UAP1L1: variants seen among roughly 807,000 people sequenced by gnomAD.
UAP1L1 encodes UDP-N-acetylglucosamine pyrophosphorylase 1 like 1, also known as UDP-N-acetylhexosamine pyrophosphorylase-like protein 1.
In UAP1L1, 45 loss-of-function variants were observed where a neutral mutation model predicts 45.3. The observed-to-expected ratio is 0.99, with a 90% CI of 0.78 to 1.27. The LOEUF (loss-of-function observed/expected upper bound fraction) is 1.27, where lower values mean the gene tolerates loss of function less well. Among genes scored for constraint, UAP1L1 ranks in the 50% most tolerant of loss-of-function variants. The probability of loss-of-function intolerance (pLI) is 0.00; values close to 1 mark genes in which losing one functional copy is unlikely to be tolerated. For synonymous variants in UAP1L1, 323 were observed against 303.9 expected, an observed-to-expected ratio of 1.06 and a Z score of -0.65; for missense variants, 667 against 694.0, an observed-to-expected ratio of 0.96 and a Z score of 0.44.
rs768004922 is a variant in UAP1L1 at position 137,079,136 on chromosome 9, CTG to C, written c.834_835del (p.Cys278TrpfsTer35). 16 of 1,610,570 alleles carry C rather than the reference CTG, an allele frequency of 9.9e-6. No homozygotes were observed. The highest frequency in any genetic ancestry group is 1.3e-5 in the Non-Finnish European group (15 of 1,179,256). On this transcript the variant is annotated frameshift_variant, in exon 4 of 9. Transcript: ENST00000409858. LOFTEE classifies it high-confidence loss of function. Reference protein sequence around the residue: ...IGFCVLQGADCGAKVVEKAYP... With the variant: ...IGFCVLQGADXGAKVVEKAYP... The stretch of plus-strand genomic sequence containing the variant: ...GCTTCTGTGTGTTGCAGGGCGCAGA[CTG>C]TGGCGCCAAGGTTAGCGCCCGACTG...
chr9:137,082,281 A>T lies in UAP1L1; in HGVS notation c.1431+217A>T, dbSNP rs1048122918. 3.2e-6 allele frequency: 2 copies of T among 618,922 alleles called. No individual in the cohort carries two copies. Among genetic ancestry groups the T allele is most frequent in the Middle Eastern group, 4.1e-4 (1 of 2,442 alleles). The allele number at this position is 618,922 out of a possible 1,614,324, so 38.3% of individuals were successfully genotyped here. A position where few individuals can be genotyped will look rare whatever the true frequency, so the allele number is the denominator to read the frequency against. On this transcript the variant is annotated intron_variant, in intron 8 of 8. Transcript: ENST00000409858. The surrounding 1 kb of genome is among the most constrained non-coding windows in gnomAD (Gnocchi z 5.7). The stretch of plus-strand genomic sequence containing the variant: ...GGTCCTGGGAGGGCATGGGGATGAG[A>T]CAGCCCAGGTCTGAGCCCAGTGTGG...
intron 7 of UAP1L1, among the ~76,000 whole-genome samples, chr9:137,081,378 A>AT (rs397736587): frequency 0.061 from 7,019 of 115,448 alleles, 277 homozygotes; most frequent in Admixed American, 0.16. Flanking sequence ...ATTTTTTTGT[A>AT]TTTTTTTTTT....
chr9:137,082,487 C>T lies in UAP1L1; in HGVS notation c.1432-150C>T. On this transcript the variant is annotated intron_variant, in intron 8 of 8. Transcript: ENST00000409858. The surrounding 1 kb of genome is among the most constrained non-coding windows in gnomAD (Gnocchi z 5.7). ...GGTGGCCTTGCAGTGTGTGTCTGCTCCTGGCCCTGGAAGCCTTTCTGTCCC... is the reference window on the plus strand; with the variant it reads ...GGTGGCCTTGCAGTGTGTGTCTGCTTCTGGCCCTGGAAGCCTTTCTGTCCC... The T allele has an allele frequency of 7.6e-6, 5 of 654,966 alleles. No homozygotes were observed. Among genetic ancestry groups the T allele is most frequent in the East Asian group, 5.5e-5 (2 of 36,594 alleles). The allele number at this position is 654,966 out of a possible 1,614,324, so 40.6% of individuals were successfully genotyped here.
Position 137,082,776 on chromosome 9 carries a change from C to A in UAP1L1, c.*47C>A, listed in dbSNP as rs1053055643. 1.2e-5 allele frequency: 18 copies of A among 1,485,264 alleles called. No homozygotes were observed. Among genetic ancestry groups the A allele is most frequent in the Non-Finnish European group, 1.5e-5 (17 of 1,099,842 alleles). The allele number at this position is 1,485,264 out of a possible 1,614,324, so 92.0% of individuals were successfully genotyped here. The stretch of plus-strand genomic sequence containing the variant: ...CTCCCCCGAGACCTGCCAGCCCCGG[C>A]ATCCTGGAAGTCCCGACTCCCCCCA... On this transcript the variant is annotated 3_prime_UTR_variant, in exon 9 of 9. Transcript: ENST00000409858. This position sits in a 1 kb window ranked among gnomAD's most constrained non-coding sequence, Gnocchi z 5.7.
chr9:137,078,554 G>C lies in UAP1L1; in HGVS notation c.547G>C (p.Glu183Gln), dbSNP rs772373115. 3.6e-5 allele frequency: 58 copies of C among 1,613,126 alleles called. No homozygotes were observed. The highest frequency in any genetic ancestry group is 4.5e-5 in the Non-Finnish European group (53 of 1,180,036). Residue 183 changes from glutamate (E) to glutamine (Q), a missense_variant, in exon 3 of 9, where the codon GAG (glutamate) becomes CAG (glutamine). Coordinates refer to ENST00000409858, the MANE Select transcript of UAP1L1 (RefSeq NM_207309.3). ...TLGPTAEFFR[E>Q]HNFFHLDPAN... ...GGGGCCCACGGCCGAGTTCTTCAGG[G>C]AGCACAACTTCTTCCACCTGGACCC...
At chr9:137,081,963 C>T (rs771255260) in intron 7 of UAP1L1, 35 bp from the exon 8 acceptor site, 1 of 1,610,362 alleles carries the variant, frequency 6.2e-7, no homozygotes, top group Non-Finnish European at 8.5e-7. Context: ...TGGGCAGGTG[C>T]TGCAAGGAGA....
At chr9:137,079,755 T>A (rs566684295) in intron 5 of UAP1L1, 15 of 602,582 alleles carry the variant, frequency 2.5e-5, no homozygotes, top group African/African-American at 2.4e-4. Context: ...CTCTGGGGCT[T>A]GCCAGTTTGT....
intron 5 of UAP1L1, 84 bp downstream of exon 5, chr9:137,079,533 G>A (rs1832759012): frequency 2.9e-6 from 4 of 1,361,030 alleles, no homozygotes; most frequent in Admixed American, 2.2e-5. Flanking sequence ...TGAGCTGAGT[G>A]CCCTGGGCCA....
Position 137,077,577 on chromosome 9 carries a change from C to T in UAP1L1, c.45C>T (p.Gly15=). The T allele has an allele frequency of 2.1e-6, 3 of 1,395,606 alleles. No individual in the cohort carries two copies. Among genetic ancestry groups the T allele is most frequent in the Non-Finnish European group, 2.8e-6 (3 of 1,068,270 alleles). The allele number at this position is 1,395,606 out of a possible 1,614,324, so 86.5% of individuals were successfully genotyped here. A position where few individuals can be genotyped will look rare whatever the true frequency, so the allele number is the denominator to read the frequency against. The part of the protein sequence containing the change: ...QDVRARLQRA[G]QEHLLRFWAE... ...TGCGCGCCCGGCTGCAGCGCGCTGG[C>T]CAGGAGCACCTCCTGCGCTTCTGGG... is the stretch of plus-strand genomic sequence containing the variant. The change falls in exon 1 of 9, where the codon GGC becomes GGT. Residue 15 remains glycine, a synonymous_variant. Transcript: ENST00000409858. The surrounding 1 kb of genome is among the most constrained non-coding windows in gnomAD (Gnocchi z 4.7).
chr9:137,081,975 A>G, intron 7 of UAP1L1, 23 bp from the exon 8 acceptor site: 1 of 1,613,358 alleles, frequency 6.2e-7, no homozygotes, highest in Non-Finnish European at 8.5e-7. Context: ...GCAAGGAGAT[A>G]TTGACAAGTG....
At position 137,078,112 on chromosome 9, in the gene UAP1L1, C is replaced by T; in HGVS notation, c.352C>T (p.Arg118Cys). The change falls in exon 2 of 9, where the codon CGC becomes TGC. Residue 118 changes from arginine to cysteine, a missense_variant. Transcript: ENST00000409858. ...VLLLAGGQGTRLGVTYPKGMY... is the reference protein window; with the variant it reads ...VLLLAGGQGTCLGVTYPKGMY... ...GCTGCTGGCTGGGGGGCAGGGCACT[C>T]GCCTGGGCGTGACCTACCCCAAGGG... is the stretch of plus-strand genomic sequence containing the variant. 1.9e-6 allele frequency: 3 copies of T among 1,550,212 alleles called. No homozygotes were observed. Among genetic ancestry groups the T allele is most frequent in the Non-Finnish European group, 2.6e-6 (3 of 1,146,886 alleles).
Position 137,077,979 on chromosome 9 carries a change from A to G in UAP1L1, c.290-71A>G. On this transcript the variant is annotated intron_variant, in intron 1 of 8. Coordinates refer to ENST00000409858, the MANE Select transcript of UAP1L1 (RefSeq NM_207309.3). This position sits in a 1 kb window ranked among gnomAD's most constrained non-coding sequence, Gnocchi z 4.7. ...CCCCGAGTCCTGGCGCCCCAGCCCC[A>G]GAGTTGGTTTCCCCTAAAGCGGAAG... 6.5e-7 allele frequency: 1 copy of G among 1,534,536 alleles called. No individual in the cohort carries two copies. The highest frequency in any genetic ancestry group is 1.2e-5 in the South Asian group (1 of 83,758).
In UAP1L1 at chr9:137,082,447, T is replaced by C. The variant is rs1832804110; in HGVS notation, c.1432-190T>C. On this transcript the variant is annotated intron_variant, in intron 8 of 8. Coordinates refer to ENST00000409858, the MANE Select transcript of UAP1L1 (RefSeq NM_207309.3). The surrounding 1 kb of genome is among the most constrained non-coding windows in gnomAD (Gnocchi z 5.7). Reference sequence around the variant, plus strand: ...GAGGGTCCCCTGCTGGCCTAGGGTCTTGAGTGTGGTCTTGGGTGGCCTTGC... The same window carrying C: ...GAGGGTCCCCTGCTGGCCTAGGGTCCTGAGTGTGGTCTTGGGTGGCCTTGC... The C allele has an allele frequency of 5.0e-6, 3 of 602,752 alleles. No individual in the cohort carries two copies. The highest frequency in any genetic ancestry group is 5.8e-5 in the Admixed American group (2 of 34,724). The allele number at this position is 602,752 out of a possible 1,614,324, so 37.3% of individuals were successfully genotyped here. A position where few individuals can be genotyped will look rare whatever the true frequency, so the allele number is the denominator to read the frequency against.
In UAP1L1 at chr9:137,082,512, C is replaced by G; in HGVS notation, c.1432-125C>G. 1 of 775,558 alleles carries G rather than the reference C, an allele frequency of 1.3e-6. No homozygotes were observed. The highest frequency in any genetic ancestry group is 2.1e-6 in the Non-Finnish European group (1 of 469,126). The allele number at this position is 775,558 out of a possible 1,614,324, so 48.0% of individuals were successfully genotyped here. On this transcript the variant is annotated intron_variant, in intron 8 of 8. Coordinates refer to ENST00000409858, the MANE Select transcript of UAP1L1 (RefSeq NM_207309.3). The surrounding 1 kb of genome is among the most constrained non-coding windows in gnomAD (Gnocchi z 5.7). ...CCTGGCCCTGGAAGCCTTTCTGTCCCCACCCCTCCCTGACTCCAGGCAGAC... is the reference window on the plus strand; with the variant it reads ...CCTGGCCCTGGAAGCCTTTCTGTCCGCACCCCTCCCTGACTCCAGGCAGAC...
chr9:137,079,870 C>T (rs1832764155), intron 5 of UAP1L1, 132 bp from the exon 6 acceptor site: 1 of 1,103,562 alleles, frequency 9.1e-7, no homozygotes, highest in Non-Finnish European at 1.3e-6. Context: ...TACTCTGCCG[C>T]TTCTGTGCCC....
chr9:137,080,521 C>T (rs1421536674), intron 6 of UAP1L1, 168 bp from the exon 7 acceptor site: 1 of 683,528 alleles, frequency 1.5e-6, no homozygotes, highest in African/African-American at 1.8e-5. Context: ...TGGGCCATCC[C>T]TGGCGTCTCA....
rs1413206580 is a variant in UAP1L1, at chr9:137,081,001, G to A, written c.1364+127G>A. The A allele has an allele frequency of 4.8e-5, 46 of 961,784 alleles. 1 individual carries two copies. Among genetic ancestry groups the A allele is most frequent in the South Asian group, 1.2e-4 (7 of 56,526 alleles). The allele number at this position is 961,784 out of a possible 1,614,324, so 59.6% of individuals were successfully genotyped here. On this transcript the variant is annotated intron_variant, in intron 7 of 8. Coordinates refer to ENST00000409858, the MANE Select transcript of UAP1L1 (RefSeq NM_207309.3). ...AGGGGTCTTCCTTCCCGGCACCACC[G>A]CAGGTGCAGGTAGCCTTGTGCCCAG...
At chr9:137,079,185 C>A (rs1461751470) in intron 4 of UAP1L1, 37 bp downstream of exon 4, 2 of 1,592,732 alleles carry the variant, frequency 1.3e-6, no homozygotes, top group Non-Finnish European at 1.7e-6. Flanking sequence ...GCACCCGAGG[C>A]TGGCCCCGCC....
Position 137,077,526 on chromosome 9 carries a change from CGG to C in UAP1L1, c.-6_-5del. 7.4e-7 allele frequency: 1 copy of C among 1,358,696 alleles called. No individual in the cohort carries two copies. The highest frequency in any genetic ancestry group is 9.6e-7 in the Non-Finnish European group (1 of 1,046,118). 84.2% of individuals were successfully genotyped at this position (1,358,696 alleles called of 1,614,324 possible). A position where few individuals can be genotyped will look rare whatever the true frequency, so the allele number is the denominator to read the frequency against. The stretch of plus-strand genomic sequence containing the variant: ...CGAGTGCCGACTTGACAGACGGCAG[CGG>C]CGACATGGCTTCGGAGCAGGACGTG... On this transcript the variant is annotated 5_prime_UTR_variant, in exon 1 of 9. Transcript: ENST00000409858. This position sits in a 1 kb window ranked among gnomAD's most constrained non-coding sequence, Gnocchi z 4.7.
Sources: gnomAD v4.1 joint callset for allele counts (sites outside exome capture counted in the v4.1 genomes callset) on GRCh38, gnomAD v4.1.1 for gene constraint, Gnocchi (gnomAD v3.1) non-coding constraint, MANE v1.5 for transcripts, NCBI Gene and HGNC (gene_info 2026-07-23, HGNC 2026-07-21) for gene names.